The following RERE variants were observed in gnomAD, a reference collection of about 807,000 sequenced individuals.
The protein encoded by RERE is arginine-glutamic acid dipeptide repeats.
Under a neutral mutation model 146.1 loss-of-function variants are expected in RERE, and 40 were observed. That is an observed-to-expected ratio of 0.27 (90% CI 0.21 to 0.36). The LOEUF (loss-of-function observed/expected upper bound fraction) is 0.36. Ranked by LOEUF, RERE falls within the 10% of genes least tolerant of loss-of-function variation. The pLI is 1.00. For missense variants in RERE, 1,933 were observed against 2,138.7 expected (o/e 0.90, Z 1.90); for synonymous variants, 1,003 against 866.0 (o/e 1.16, Z -2.78).
intron 4 of RERE, among the ~76,000 whole-genome samples, chr1:8,558,995 A>G (rs1302227438): frequency 6.6e-6 from 1 of 151,410 alleles, no homozygotes; most frequent in African/African-American, 2.4e-5. Flanking sequence ...ATGTTTTGAC[A>G]ATGTTGGCCA....
At chr1:8,533,836 A>C (rs1356451068) in intron 7 of RERE, among the ~76,000 whole-genome samples, 1 of 152,218 alleles carries the variant, frequency 6.6e-6, no homozygotes, top group African/African-American at 2.4e-5. Flanking sequence ...TTATCTGACA[A>C]AGGGTTTTTG....
intron 4 of RERE, among the ~76,000 whole-genome samples, chr1:8,559,809 G>A (rs1418051704): frequency 6.6e-6 from 1 of 152,146 alleles, no homozygotes; most frequent in Non-Finnish European, 1.5e-5. Flanking sequence ...ACTCTGTCTG[G>A]CCTTTAGTGA....
At chr1:8,597,090 AT>A (rs34498274) in intron 4 of RERE, among the ~76,000 whole-genome samples, 173 of 144,210 alleles carry the variant, frequency 1.2e-3, no homozygotes, top group Admixed American at 1.7e-3. Context: ...ACTGATGCTG[AT>A]TTTTTTTTTT....
Position 8,423,717 on chromosome 1 carries a change from GC to G in RERE, c.1204-911del. The stretch of plus-strand genomic sequence containing the variant: ...GCGGGTGGCTCGGCGTGTGACCGCG[GC>G]GGGGCCGCGCGGCGCGGGGCCCGGG... On this transcript the variant is annotated intron_variant, in intron 11 of 22. Coordinates refer to ENST00000400908, the MANE Select transcript of RERE (RefSeq NM_001042681.2). The surrounding 1 kb of genome is among the most constrained non-coding windows in gnomAD (Gnocchi z 5.4). 1 of 979,848 alleles carries G rather than the reference GC, an allele frequency of 1.0e-6. No homozygotes were observed. The highest frequency in any genetic ancestry group is 1.8e-5 in the African/African-American group (1 of 56,824). 60.7% of individuals were successfully genotyped at this position (979,848 alleles called of 1,614,324 possible). A position where few individuals can be genotyped will look rare whatever the true frequency, so the allele number is the denominator to read the frequency against.
intron 13 of RERE, 101 bp downstream of exon 13, chr1:8,365,711 C>G (rs1641779341): frequency 7.3e-7 from 1 of 1,366,592 alleles, no homozygotes; most frequent in Admixed American, 1.8e-5. Context: ...CACACCCCCT[C>G]ATGCTTCCCG....
chr1:8,614,730 T>A, intron 3 of RERE, 44 bp from the exon 4 acceptor site: 1 of 1,569,900 alleles, frequency 6.4e-7, no homozygotes, highest in South Asian at 1.2e-5. Context: ...CAACGCCCCA[T>A]CATGCCCTGG....
intron 11 of RERE, among the ~76,000 whole-genome samples, chr1:8,431,666 T>A (rs1205256586): frequency 6.6e-6 from 1 of 152,240 alleles, no homozygotes; most frequent in Non-Finnish European, 1.5e-5. Context: ...TTATAAACAC[T>A]GTTTACTTAA....
At chr1:8,528,435 T>G (rs941448026) in intron 7 of RERE, among the ~76,000 whole-genome samples, 1 of 152,208 alleles carries the variant, frequency 6.6e-6, no homozygotes, top group African/African-American at 2.4e-5. Context: ...CCTTTTCTGA[T>G]TTTGATAATC....
rs755949487 is a variant in RERE at position 8,362,766 on chromosome 1, G to A, written c.1819C>T (p.Arg607Cys). ...GRTSPINEDI[R>C]SSGRNSPSAA... ...CTGGGGGAGTTCCGGCCGCTGGAGC[G>A]GATGTCTTCATTGATGGGTGAGGTG... is the stretch of plus-strand genomic sequence containing the variant. Residue 607 changes from arginine (R) to cysteine (C), a missense_variant, in exon 16 of 23, where the codon CGC (arginine) becomes TGC (cysteine). Arg to Cys is a radical substitution (Grantham distance 180). This residue lies in a region of RERE where 1,255 missense variants were observed against 1,153.8 expected (regional missense o/e 1.09). Coordinates refer to ENST00000400908, the MANE Select transcript of RERE (RefSeq NM_001042681.2). 5.0e-6 allele frequency: 8 copies of A among 1,614,088 alleles called. No homozygotes were observed. Among genetic ancestry groups the A allele is most frequent in the South Asian group, 3.3e-5 (3 of 91,088 alleles).
intron 12 of RERE, among the ~76,000 whole-genome samples, chr1:8,398,360 C>A (rs1435954716): frequency 6.6e-6 from 1 of 152,198 alleles, no homozygotes; most frequent in Non-Finnish European, 1.5e-5. Flanking sequence ...ATGAAATCTC[C>A]ATAGCTTTGC....
chr1:8,498,895 G>A (rs982975668), intron 8 of RERE, among the ~76,000 whole-genome samples: 4 of 151,880 alleles, frequency 2.6e-5, no homozygotes, highest in Admixed American at 6.6e-5. Flanking sequence ...GCCTTGATAC[G>A]AATCATCACG....
chr1:8,446,643 T>G (rs1300204903), intron 11 of RERE, among the ~76,000 whole-genome samples: 2 of 152,190 alleles, frequency 1.3e-5, no homozygotes, highest in East Asian at 3.8e-4. Flanking sequence ...TTTGGTCTTT[T>G]CATAGTCCCA....
intron 1 of RERE, among the ~76,000 whole-genome samples, chr1:8,764,537 C>G (rs1420282110): frequency 6.6e-6 from 1 of 152,124 alleles, no homozygotes; most frequent in Non-Finnish European, 1.5e-5. Flanking sequence ...TCTAGATAAA[C>G]AATCACAACA....
chr1:8,430,495 T>C (rs1644081528), intron 11 of RERE, among the ~76,000 whole-genome samples: 1 of 152,196 alleles, frequency 6.6e-6, no homozygotes, highest in Admixed American at 6.5e-5. Context: ...TTATTGATGG[T>C]TCTCAAATCT....
At chr1:8,487,098 C>G (rs1181763548) in intron 10 of RERE, among the ~76,000 whole-genome samples, 1 of 152,130 alleles carries the variant, frequency 6.6e-6, no homozygotes, top group Non-Finnish European at 1.5e-5. Flanking sequence ...AGGATTCATC[C>G]TAGGAACAAA....
At position 8,567,933 on chromosome 1, in the gene RERE, AC is replaced by A. The variant is rs561560926; in HGVS notation, c.523-10411del. ...GCTCCCCAAAAGTATCCCACAATGT[AC>A]TTCAACCTGACTGTGGGGTTAATAT... is the stretch of plus-strand genomic sequence containing the variant. On this transcript the variant is annotated intron_variant, in intron 4 of 22. Transcript: ENST00000400908. Among the ~76,000 whole-genome samples, 103 of 152,342 alleles carry A rather than the reference AC, an allele frequency of 6.8e-4. 1 individual carries two copies. The highest frequency in any genetic ancestry group is 2.4e-3 in the African/African-American group (101 of 41,576).
chr1:8,478,738 G>C (rs916779085), intron 10 of RERE, among the ~76,000 whole-genome samples: 3 of 152,132 alleles, frequency 2.0e-5, no homozygotes, highest in African/African-American at 4.8e-5. Context: ...TTTATCCCAG[G>C]CCAGCTCAAA....
chr1:8,672,960 TAATTAG>T (rs1273194557), intron 1 of RERE, among the ~76,000 whole-genome samples: 6 of 152,204 alleles, frequency 3.9e-5, no homozygotes, highest in Non-Finnish European at 8.8e-5. Flanking sequence ...TAATCAGCAG[TAATTAG>T]AATCGGAGGA....
At chr1:8,604,848 C>A (rs1424975802) in intron 4 of RERE, among the ~76,000 whole-genome samples, 1 of 152,222 alleles carries the variant, frequency 6.6e-6, no homozygotes, top group Non-Finnish European at 1.5e-5. Context: ...AACCCTTCCA[C>A]TACTACATAA....
Sources: allele counts gnomAD v4.1 joint callset (sites outside exome capture counted in the v4.1 genomes callset), GRCh38; gene constraint gnomAD v4.1.1; regional missense constraint gnomAD v4.1.1; non-coding constraint Gnocchi (gnomAD v3.1); transcripts MANE v1.5; gene names NCBI Gene and HGNC (gene_info 2026-07-23, HGNC 2026-07-21).